GALNT17: variants seen among roughly 807,000 people sequenced by gnomAD.
GALNT17 encodes polypeptide N-acetylgalactosaminyltransferase 17.
Under a neutral mutation model 63.7 loss-of-function variants are expected in GALNT17, and 29 were observed. That is an observed-to-expected ratio of 0.46 (90% CI 0.34 to 0.62). GALNT17 has a LOEUF of 0.62. Ranked by LOEUF, GALNT17 falls within the 20% of genes least tolerant of loss-of-function variation. The probability of loss-of-function intolerance (pLI) is 0.01; values close to 1 mark genes in which losing one functional copy is unlikely to be tolerated. For synonymous variants in GALNT17, 305 were observed against 318.3 expected, an observed-to-expected ratio of 0.96 and a Z score of 0.45; for missense variants, 603 against 799.6, an observed-to-expected ratio of 0.75 and a Z score of 2.97.
At chr7:71,538,098 C>T (rs1041051407) in intron 5 of GALNT17, among the ~76,000 whole-genome samples, 5 of 152,146 alleles carry the variant, frequency 3.3e-5, no homozygotes, top group African/African-American at 1.2e-4. Context: ...AAAGGCAGCC[C>T]TTCGGAAACT....
At chr7:71,519,962 C>T (rs1286115125) in intron 5 of GALNT17, among the ~76,000 whole-genome samples, 1 of 152,120 alleles carries the variant, frequency 6.6e-6, no homozygotes, top group East Asian at 1.9e-4. Flanking sequence ...CTAAAGAAAT[C>T]AGCATGATAT....
intron 6 of GALNT17, among the ~76,000 whole-genome samples, chr7:71,647,767 T>TG (rs2117017417): frequency 6.6e-6 from 1 of 152,332 alleles, no homozygotes; most frequent in Non-Finnish European, 1.5e-5. Context: ...TGACACCACC[T>TG]GACAGCAGTT....
chr7:71,544,831 T>TA (rs1788954835), intron 5 of GALNT17, among the ~76,000 whole-genome samples: 1 of 145,906 alleles, frequency 6.9e-6, no homozygotes, highest in African/African-American at 2.5e-5. Flanking sequence ...GCAAGTTTCT[T>TA]ACATCTTTCT....
chr7:71,474,005 T>C (rs879423752), intron 5 of GALNT17, among the ~76,000 whole-genome samples: 1 of 152,176 alleles, frequency 6.6e-6, no homozygotes, highest in Non-Finnish European at 1.5e-5. Context: ...AGGATACTTA[T>C]AGTTATTTCT....
intron 6 of GALNT17, among the ~76,000 whole-genome samples, chr7:71,600,398 T>G (rs1584081229): frequency 6.6e-6 from 1 of 151,676 alleles, no homozygotes. Flanking sequence ...GAGGGTACAT[T>G]GGGAGGATCA....
intron 6 of GALNT17, among the ~76,000 whole-genome samples, chr7:71,618,804 C>T (rs1460409090): frequency 1.3e-5 from 2 of 152,118 alleles, no homozygotes; most frequent in African/African-American, 4.8e-5. Context: ...TGCAGAAGCT[C>T]TTTAGTTTAA....
At chr7:71,213,475 T>C (rs1318782975) in intron 1 of GALNT17, among the ~76,000 whole-genome samples, 1 of 152,252 alleles carries the variant, frequency 6.6e-6, no homozygotes, top group Non-Finnish European at 1.5e-5. Context: ...CATAGTGTTC[T>C]CTGGTTTGCA....
At chr7:71,662,328 ATCTATCTG>A (rs886848701) in intron 6 of GALNT17, among the ~76,000 whole-genome samples, 2 of 149,840 alleles carry the variant, frequency 1.3e-5, no homozygotes, top group African/African-American at 5.0e-5. Flanking sequence ...TTATCTATCT[ATCTATCTG>A]TCTGTCTGTC....
At chr7:71,365,886 A>G (rs936238023) in intron 2 of GALNT17, among the ~76,000 whole-genome samples, 7 of 152,098 alleles carry the variant, frequency 4.6e-5, no homozygotes, top group Admixed American at 2.6e-4. Flanking sequence ...ATTACATTGT[A>G]ATATATAATA....
chr7:71,234,348 G>A (rs183664543), intron 1 of GALNT17, among the ~76,000 whole-genome samples: 1 of 152,230 alleles, frequency 6.6e-6, no homozygotes, highest in East Asian at 1.9e-4. Context: ...TGCTACCTCT[G>A]CCTCCCAGGT....
chr7:71,405,317 T>C (rs899535376), intron 3 of GALNT17, among the ~76,000 whole-genome samples: 2 of 152,128 alleles, frequency 1.3e-5, no homozygotes, highest in African/African-American at 4.8e-5. Flanking sequence ...TCTTAGTCCA[T>C]TTGGGGACTG....
chr7:71,550,627 C>A (rs1789060753), intron 5 of GALNT17, among the ~76,000 whole-genome samples: 1 of 152,146 alleles, frequency 6.6e-6, no homozygotes, highest in Non-Finnish European at 1.5e-5. Context: ...GTGATCCACC[C>A]ACCTCGGCCT....
At chr7:71,317,287 G>A (rs980444060) in intron 1 of GALNT17, among the ~76,000 whole-genome samples, 1 of 152,160 alleles carries the variant, frequency 6.6e-6, no homozygotes, top group East Asian at 1.9e-4. Context: ...ATGATGCCTC[G>A]TGCTCTGAGA....
At chr7:71,496,984 A>G (rs1400145353) in intron 5 of GALNT17, among the ~76,000 whole-genome samples, 1 of 152,140 alleles carries the variant, frequency 6.6e-6, no homozygotes, top group Non-Finnish European at 1.5e-5. Flanking sequence ...AGGCTGAGGC[A>G]GGAGGATCAC....
intron 1 of GALNT17, among the ~76,000 whole-genome samples, chr7:71,142,042 G>GTA (rs535754945): frequency 6.8e-6 from 1 of 146,460 alleles, no homozygotes; most frequent in African/African-American, 2.5e-5. Context: ...GTGTGTGTGT[G>GTA]TGTGTTTAGT....
rs1004775654 is a variant in GALNT17 at position 71,682,328 on chromosome 7, C to G, written c.1500+5022C>G. Among the ~76,000 whole-genome samples, 258 of 66,206 alleles carry G rather than the reference C, an allele frequency of 3.9e-3. 1 individual carries two copies. The highest frequency in any genetic ancestry group is 7.8e-3 in the Non-Finnish European group (195 of 25,062). 43.4% of individuals were successfully genotyped at this position (66,206 alleles called of 152,430 possible). On this transcript the variant is annotated intron_variant, in intron 9 of 10. Transcript: ENST00000333538. ...TGCCTTCTGTGGCCCTGTGGCCCCC[C>G]ACCCTCCCCAGCATCTTTAACACCT...
intron 1 of GALNT17, among the ~76,000 whole-genome samples, chr7:71,286,350 T>A (rs1033644505): frequency 6.6e-6 from 1 of 152,342 alleles, no homozygotes; most frequent in East Asian, 1.9e-4. Context: ...TACATTTTTT[T>A]AAGTTTCATT....
chr7:71,674,765 C>G lies in GALNT17; in HGVS notation c.1405-2446C>G, dbSNP rs375884709. 4.2e-4 allele frequency among the ~76,000 whole-genome samples: 64 copies of G among 152,338 alleles called. 1 individual carries two copies. The East Asian group carries it at 9.7e-3, about 23-fold the overall frequency. ...CTCCTGACCTTAAGCAATCTTCCAGCCTCAGCCTCCCAAAGCACTGGGATT... is the reference window on the plus strand; with the variant it reads ...CTCCTGACCTTAAGCAATCTTCCAGGCTCAGCCTCCCAAAGCACTGGGATT... On this transcript the variant is annotated intron_variant, in intron 8 of 10. Transcript: ENST00000333538.
At chr7:71,288,433 C>T (rs1332065846) in intron 1 of GALNT17, among the ~76,000 whole-genome samples, 29 of 151,894 alleles carry the variant, frequency 1.9e-4, no homozygotes, top group Admixed American at 1.8e-3. Flanking sequence ...CCACGGTTTT[C>T]AGGGGTTACC....
Sources: gnomAD v4.1 joint callset for allele counts (sites outside exome capture counted in the v4.1 genomes callset) on GRCh38, gnomAD v4.1.1 for gene constraint, MANE v1.5 for transcripts, NCBI Gene and HGNC (gene_info 2026-07-23, HGNC 2026-07-21) for gene names.